The following ZNF699 variants were observed in gnomAD, a reference collection of about 807,000 sequenced individuals.
ZNF699 encodes the protein zinc finger protein 699.
Under a neutral mutation model 22.5 loss-of-function variants are expected in ZNF699, and 18 were observed. The observed-to-expected ratio is 0.80, with a 90% CI of 0.55 to 1.19. The LOEUF is 1.19. Among genes scored for constraint, ZNF699 ranks in the 50% most tolerant of loss-of-function variants. The pLI, the probability that ZNF699 is intolerant of heterozygous loss-of-function variation, is 0.00. For missense variants in ZNF699, 670 were observed against 763.4 expected (o/e 0.88, Z 1.44); for synonymous variants, 241 against 262.3 (o/e 0.92, Z 0.78).
Position 9,302,403 on chromosome 19 carries a change from T to G in ZNF699, c.150A>C (p.Glu50Asp), listed in dbSNP as rs1007371790. Residue 50 changes from glutamate (E) to aspartate (D), a missense_variant, in exon 3 of 6, where the codon GAA becomes GAC. Physicochemically the swap from Glu to Asp is conservative, Grantham distance 45. Coordinates refer to ENST00000591998, the MANE Select transcript of ZNF699 (RefSeq NM_198535.3). ...CTAGTGAGGCCAGGTTCTGGAAGTT[T>G]TCCAGCATCACATCTCTGTAGAGGT... ...QRNLYRDVML[E>D]NFQNLASLGY... 6.2e-7 allele frequency: 1 copy of G among 1,613,832 alleles called. No homozygotes were observed. Among genetic ancestry groups the G allele is most frequent in the African/African-American group, 1.3e-5 (1 of 74,920 alleles).
Position 9,295,647 on chromosome 19 carries a change from G to C in ZNF699, c.1757C>G (p.Pro586Arg). The change falls in exon 6 of 6, where the codon CCC (proline) becomes CGC (arginine). Residue 586 changes from proline (P) to arginine (R), a missense_variant. Physicochemically the swap from Pro to Arg is moderately radical, Grantham distance 103 (BLOSUM62 -2). Coordinates refer to ENST00000591998, the MANE Select transcript of ZNF699 (RefSeq NM_198535.3). ...TTTTCCACATTCCAGACATTCAAAGGGTTTCTCTCCAGTGTGCATTCTTGC... is the reference window on the plus strand; with the variant it reads ...TTTTCCACATTCCAGACATTCAAAGCGTTTCTCTCCAGTGTGCATTCTTGC... ...VHARMHTGEK[P>R]FECLECGKAF... 1 of 1,614,024 alleles carries C rather than the reference G, an allele frequency of 6.2e-7. No individual in the cohort carries two copies. The highest frequency in any genetic ancestry group is 8.5e-7 in the Non-Finnish European group (1 of 1,180,012).
At position 9,295,699 on chromosome 19, in the gene ZNF699, G is replaced by T; in HGVS notation, c.1705C>A (p.Arg569Ser). ...YECKECGKAF[R>S]HSSYLTVHAR... The stretch of plus-strand genomic sequence containing the variant: ...TGTACAGTAAGGTATGAAGAATGAC[G>T]AAATGCTTTCCCACATTCCTTACAT... The change falls in exon 6 of 6, where the codon CGT (arginine) becomes AGT (serine). Residue 569 changes from arginine to serine, a missense_variant. Physicochemically the swap from Arg to Ser is moderately radical, Grantham distance 110. Transcript: ENST00000591998. The T allele has an allele frequency of 6.2e-7, 1 of 1,613,588 alleles. No individual in the cohort carries two copies. Among genetic ancestry groups the T allele is most frequent in the Admixed American group, 1.7e-5 (1 of 59,976 alleles).
chr19:9,295,414 A>C lies in ZNF699; in HGVS notation c.*61T>G. 3.3e-6 allele frequency: 5 copies of C among 1,527,440 alleles called. No homozygotes were observed. The highest frequency in any genetic ancestry group is 3.5e-6 in the Non-Finnish European group (4 of 1,140,370). 94.6% of individuals were successfully genotyped at this position (1,527,440 alleles called of 1,614,324 possible). A position where few individuals can be genotyped will look rare whatever the true frequency, so the allele number is the denominator to read the frequency against. ...TACATTCATAGGGTGTCTCCACAGT[A>C]TGAGATCTCACATGTTGCCTAGGAT... On this transcript the variant is annotated 3_prime_UTR_variant, in exon 6 of 6. Coordinates refer to ENST00000591998, the MANE Select transcript of ZNF699 (RefSeq NM_198535.3).
chr19:9,306,815 T>G (rs1203107827), intron 1 of ZNF699, among the ~76,000 whole-genome samples: 1 of 152,158 alleles, frequency 6.6e-6, no homozygotes, highest in African/African-American at 2.4e-5. Flanking sequence ...ACCTTAAATT[T>G]TAATTGTTTT....
chr19:9,307,686 C>T (rs2066332324), intron 1 of ZNF699, among the ~76,000 whole-genome samples: 3 of 152,086 alleles, frequency 2.0e-5, no homozygotes, highest in South Asian at 2.1e-4. Flanking sequence ...CGGTGGCTCA[C>T]ACCTGTAATC....
intron 3 of ZNF699, among the ~76,000 whole-genome samples, chr19:9,300,793 A>G (rs1042403312): frequency 6.6e-6 from 1 of 152,230 alleles, no homozygotes; most frequent in Non-Finnish European, 1.5e-5. Context: ...GAGGGAGGGA[A>G]GGAGGGATGA....
intron 1 of ZNF699, among the ~76,000 whole-genome samples, chr19:9,308,443 C>CA (rs201817024): frequency 0.015 from 2,282 of 152,092 alleles, 64 homozygotes; most frequent in African/African-American, 0.052. Context: ...GAAAGTAGTA[C>CA]AACTTTCAAG....
At position 9,295,748 on chromosome 19, in the gene ZNF699, C is replaced by T. The variant is rs550195257; in HGVS notation, c.1656G>A (p.Thr552=). ...ATTCATAGGGTTTTTCCCCAGTGTGCGTTCTCATGTGGATCCTAAGGGCTG... is the reference window on the plus strand; with the variant it reads ...ATTCATAGGGTTTTTCCCCAGTGTGTGTTCTCATGTGGATCCTAAGGGCTG... ...YPSALRIHMR[T]HTGEKPYECK... The change falls in exon 6 of 6, where the codon ACG becomes ACA. Residue 552 remains threonine (T), a synonymous_variant. Transcript: ENST00000591998. 1.4e-5 allele frequency: 22 copies of T among 1,609,640 alleles called. No homozygotes were observed. In the East Asian group the frequency reaches 1.6e-4, roughly 11 times the overall value.
rs2066341230 is a variant in ZNF699, at chr19:9,309,798, G to C, written c.-454C>G. 1 of 152,834 alleles carries C rather than the reference G, an allele frequency of 6.5e-6. No individual in the cohort carries two copies. The highest frequency in any genetic ancestry group is 2.0e-4 in the South Asian group (1 of 4,882). The allele number at this position is 152,834 out of a possible 1,614,324, so 9.5% of individuals were successfully genotyped here. ...GAGGCAAAAATGTTCCTCAGACGCG[G>C]GCGGAGGCGTAGGGTGACAAGGCTG... On this transcript the variant is annotated 5_prime_UTR_variant, in exon 1 of 6. Coordinates refer to ENST00000591998, the MANE Select transcript of ZNF699 (RefSeq NM_198535.3).
At position 9,295,455 on chromosome 19, in the gene ZNF699, C is replaced by G. The variant is rs2066280646; in HGVS notation, c.*20G>C. On this transcript the variant is annotated 3_prime_UTR_variant, in exon 6 of 6. Transcript: ENST00000591998. ...TGCCTAGGATCTGAAGCTTTGCAGACATTCCCATATTCCTTACATTTATAT... is the reference window on the plus strand; with the variant it reads ...TGCCTAGGATCTGAAGCTTTGCAGAGATTCCCATATTCCTTACATTTATAT... 1 of 1,578,448 alleles carries G rather than the reference C, an allele frequency of 6.3e-7. No individual in the cohort carries two copies. The highest frequency in any genetic ancestry group is 1.2e-5 in the South Asian group (1 of 84,776).
intron 3 of ZNF699, among the ~76,000 whole-genome samples, chr19:9,298,621 G>A (rs1329072842): frequency 6.6e-6 from 1 of 152,074 alleles, no homozygotes; most frequent in Non-Finnish European, 1.5e-5. Context: ...CTTGGATAAA[G>A]TTACTCTGAA....
intron 3 of ZNF699, among the ~76,000 whole-genome samples, chr19:9,300,745 T>G (rs895756364): frequency 3.9e-5 from 6 of 152,172 alleles, no homozygotes. Flanking sequence ...GGCAACATCA[T>G]TATGGAGACA....
intron 5 of ZNF699, 21 bp from the exon 6 acceptor site, chr19:9,296,954 A>G: frequency 6.6e-7 from 1 of 1,506,214 alleles, no homozygotes; most frequent in Non-Finnish European, 8.9e-7. Context: ...TAAAAGACAC[A>G]TTATTAGTAA....
At chr19:9,298,683 CTT>C (rs1051788331) in intron 3 of ZNF699, among the ~76,000 whole-genome samples, 8 of 152,152 alleles carry the variant, frequency 5.3e-5, no homozygotes, top group Non-Finnish European at 1.2e-4. Context: ...TGTCTAAAGA[CTT>C]TATGCCACCC....
At chr19:9,305,486 A>G (rs775705938) in intron 1 of ZNF699, among the ~76,000 whole-genome samples, 4 of 152,120 alleles carry the variant, frequency 2.6e-5, no homozygotes, top group Non-Finnish European at 4.4e-5. Context: ...AAAAGTATAA[A>G]ATGTATCAGG....
chr19:9,302,102 A>G (rs952345471), intron 3 of ZNF699, among the ~76,000 whole-genome samples: 5 of 151,904 alleles, frequency 3.3e-5, no homozygotes, highest in Non-Finnish European at 4.4e-5. Flanking sequence ...GGGTTTCTCC[A>G]TGTTGGTCAG....
In ZNF699 at chr19:9,305,260, A is replaced by AACACACAC. The variant is rs1465683449; in HGVS notation, c.-5-137_-5-136insGTGTGTGT. 28 of 651,058 alleles carry AACACACAC rather than the reference A, an allele frequency of 4.3e-5. 1 individual carries two copies. The African/African-American group carries it at 4.7e-4, about 11-fold the overall frequency. The allele number at this position is 651,058 out of a possible 1,614,324, so 40.3% of individuals were successfully genotyped here. A position where few individuals can be genotyped will look rare whatever the true frequency, so the allele number is the denominator to read the frequency against. The stretch of plus-strand genomic sequence containing the variant: ...AATTATAAGTAACAACTCCCCTCAA[A>AACACACAC]ACACATACACACACACACACACACA... On this transcript the variant is annotated intron_variant, in intron 1 of 5. Coordinates refer to ENST00000591998, the MANE Select transcript of ZNF699 (RefSeq NM_198535.3).
intron 1 of ZNF699, among the ~76,000 whole-genome samples, 174 bp from the exon 2 acceptor site, chr19:9,305,298 C>T (rs926918028): frequency 1.3e-5 from 2 of 151,942 alleles, no homozygotes; most frequent in African/African-American, 4.8e-5. Context: ...TGCACACACC[C>T]AAGACACCCA....
At position 9,291,680 on chromosome 19, in the gene ZNF699, T is replaced by C. The variant is rs1220367502; in HGVS notation, c.*3795A>G. On this transcript the variant is annotated 3_prime_UTR_variant, in exon 6 of 6. Coordinates refer to ENST00000591998, the MANE Select transcript of ZNF699 (RefSeq NM_198535.3). The stretch of plus-strand genomic sequence containing the variant: ...AGGTGTCAGATCTCAAGTTGATCTT[T>C]ATGCTCATTAAAGATTAAGCAGCAA... 6.6e-6 allele frequency: 1 copy of C among 151,898 alleles called. No homozygotes were observed. Among genetic ancestry groups the C allele is most frequent in the Non-Finnish European group, 1.5e-5 (1 of 68,018 alleles). 9.4% of individuals were successfully genotyped at this position (151,898 alleles called of 1,614,324 possible).
Sources: allele counts gnomAD v4.1 joint callset (sites outside exome capture counted in the v4.1 genomes callset), GRCh38; gene constraint gnomAD v4.1.1; transcripts MANE v1.5; gene names NCBI Gene and HGNC (gene_info 2026-07-23, HGNC 2026-07-21).